Variants in DTNA observed in about 807,000 individuals in gnomAD.
DTNA encodes dystrophin-related protein 3.
In DTNA, 43 loss-of-function variants were observed where a neutral mutation model predicts 100.7. That is an observed-to-expected ratio of 0.43 (90% CI 0.33 to 0.55). The LOEUF (loss-of-function observed/expected upper bound fraction) is 0.55. DTNA is among the 20% of genes least tolerant of loss of function. DTNA has a pLI of 0.04. For synonymous variants in DTNA, 349 were observed against 347.9 expected, an observed-to-expected ratio of 1.00 and a Z score of -0.04; for missense variants, 798 against 953.9, an observed-to-expected ratio of 0.84 and a Z score of 2.15.
In DTNA at chr18:34,575,874, G is replaced by C. The variant is rs1006590279; in HGVS notation, c.-2+82360G>C. Among the ~76,000 whole-genome samples the C allele has an allele frequency of 2.6e-5, 4 of 152,270 alleles. 1 individual carries two copies. The highest frequency in any genetic ancestry group is 2.6e-4 in the Admixed American group (4 of 15,292). On this transcript the variant is annotated intron_variant, in intron 1 of 19. Transcript: ENST00000283365. ...CCACAATAAAGAGTAGGACTAATCA[G>C]TTCTTAAATATCTGTCTCCAGACAG... is the stretch of plus-strand genomic sequence containing the variant.
In DTNA at chr18:34,847,175, T is replaced by G. The variant is rs139047032; in HGVS notation, c.1347-1121T>G. ...GTCTTGAATGGAGCACTTCACAGAATGAAGTTTTCTGAAATATGGAAGAAT... is the reference window on the plus strand; with the variant it reads ...GTCTTGAATGGAGCACTTCACAGAAGGAAGTTTTCTGAAATATGGAAGAAT... On this transcript the variant is annotated intron_variant, in intron 13 of 22. Transcript: ENST00000444659. Among the ~76,000 whole-genome samples, 41 of 152,278 alleles carry G rather than the reference T, an allele frequency of 2.7e-4. 1 individual carries two copies. The highest frequency in any genetic ancestry group is 9.4e-4 in the African/African-American group (39 of 41,554).
intron 1 of DTNA, among the ~76,000 whole-genome samples, chr18:34,503,626 T>G (rs751542038): frequency 1.3e-5 from 2 of 152,162 alleles, no homozygotes; most frequent in Non-Finnish European, 2.9e-5. Context: ...ATATCTGTCT[T>G]TTAATTGGTA....
rs556985933 is a variant in DTNA at position 34,889,630 on chromosome 18, C to T, written c.*1896C>T. The T allele has an allele frequency of 2.8e-5, 28 of 985,424 alleles. No individual in the cohort carries two copies. The highest frequency in any genetic ancestry group is 6.2e-5 in the Admixed American group (1 of 16,258). 61.0% of individuals were successfully genotyped at this position (985,424 alleles called of 1,614,324 possible). On this transcript the variant is annotated 3_prime_UTR_variant, in exon 23 of 23. Transcript: ENST00000444659. ...CGGCTGTACGATGTTCACATGTCTG[C>T]GTTTGGTCAGACATCATCTCCTTGG...
intron 1 of DTNA, among the ~76,000 whole-genome samples, chr18:34,553,697 C>T (rs1002167847): frequency 5.9e-4 from 88 of 150,170 alleles, no homozygotes; most frequent in African/African-American, 1.8e-3. Flanking sequence ...TGTAGATATG[C>T]GGCGTTATTT....
At chr18:34,680,351 A>G (rs2077934856) in intron 1 of DTNA, among the ~76,000 whole-genome samples, 1 of 152,182 alleles carries the variant, frequency 6.6e-6, no homozygotes, top group Admixed American at 6.6e-5. Flanking sequence ...TTTCAGCAGA[A>G]TAGAGGGGAA....
chr18:34,663,985 G>A (rs994958029), intron 1 of DTNA, among the ~76,000 whole-genome samples: 1 of 152,118 alleles, frequency 6.6e-6, no homozygotes, highest in Non-Finnish European at 1.5e-5. Context: ...TGAGTTTACT[G>A]TAATAGATTA....
chr18:34,760,946 A>C (rs951919304), intron 2 of DTNA, among the ~76,000 whole-genome samples: 13 of 152,086 alleles, frequency 8.5e-5, no homozygotes, highest in Non-Finnish European at 1.9e-4. Flanking sequence ...GCCCAAAACT[A>C]TCTTCACCCA....
At chr18:34,886,938 T>C (rs757907416) in intron 22 of DTNA, among the ~76,000 whole-genome samples, 3 of 152,240 alleles carry the variant, frequency 2.0e-5, no homozygotes, top group Non-Finnish European at 4.4e-5. Flanking sequence ...CATTAAAATA[T>C]TTTTGTTTAG....
chr18:34,522,943 G>A (rs1463695474), intron 1 of DTNA, among the ~76,000 whole-genome samples: 1 of 152,226 alleles, frequency 6.6e-6, no homozygotes, highest in Non-Finnish European at 1.5e-5. Flanking sequence ...ACAAATTCTT[G>A]AACAGAAAGG....
chr18:34,776,608 T>A (rs1373886678), intron 3 of DTNA, among the ~76,000 whole-genome samples: 1 of 152,216 alleles, frequency 6.6e-6, no homozygotes, highest in Admixed American at 6.5e-5. Flanking sequence ...CCCAAAGTGC[T>A]GGGATTACAG....
intron 14 of DTNA, among the ~76,000 whole-genome samples, chr18:34,850,844 A>G (rs1281224682): frequency 1.3e-5 from 2 of 152,206 alleles, no homozygotes; most frequent in Non-Finnish European, 2.9e-5. Context: ...TATATGGCAT[A>G]TGATTAATGA....
In DTNA at chr18:34,793,938, G is replaced by A. The variant is rs2094859439; in HGVS notation, c.149-99G>A. ...GACCCCCTGCAACAGCTGCACACAT[G>A]TGAGATACCTAGAAAAAAACAGGAC... On this transcript the variant is annotated intron_variant, in intron 3 of 22. Coordinates refer to ENST00000444659, the MANE Select transcript of DTNA (RefSeq NM_001386795.1). The A allele has an allele frequency of 4.8e-5, 60 of 1,259,832 alleles. 2 individuals carry two copies. In the South Asian group the frequency reaches 7.6e-4, roughly 16 times the overall value. The allele number at this position is 1,259,832 out of a possible 1,614,324, so 78.0% of individuals were successfully genotyped here.
intron 21 of DTNA, among the ~76,000 whole-genome samples, 154 bp from the exon 22 acceptor site, chr18:34,884,574 G>A (rs564208759): frequency 6.6e-6 from 1 of 152,140 alleles, no homozygotes; most frequent in East Asian, 1.9e-4. Context: ...GTGAGCATAC[G>A]GTTGTTGGAT....
chr18:34,548,717 C>T (rs887984812), intron 1 of DTNA, among the ~76,000 whole-genome samples: 7 of 152,250 alleles, frequency 4.6e-5, no homozygotes, highest in African/African-American at 1.4e-4. Flanking sequence ...GCCTCTACCT[C>T]TTGGTTCTTT....
intron 1 of DTNA, among the ~76,000 whole-genome samples, chr18:34,661,255 A>G (rs1331275884): frequency 6.6e-6 from 1 of 152,196 alleles, no homozygotes; most frequent in African/African-American, 2.4e-5. Context: ...TAAAACAGGG[A>G]TCAAATTAGC....
At chr18:34,689,433 G>A (rs2079406572) in intron 1 of DTNA, among the ~76,000 whole-genome samples, 1 of 152,108 alleles carries the variant, frequency 6.6e-6, no homozygotes, top group African/African-American at 2.4e-5. Context: ...TTTGCTGGAG[G>A]TCCACTCCAG....
chr18:34,709,144 T>C (rs2146413276), upstream of DTNA, among the ~76,000 whole-genome samples: 1 of 152,326 alleles, frequency 6.6e-6, no homozygotes, highest in African/African-American at 2.4e-5. Context: ...AGCTTTCAGA[T>C]GCCATCTTTA....
intron 11 of DTNA, among the ~76,000 whole-genome samples, chr18:34,837,659 C>A (rs2096180351): frequency 6.6e-6 from 1 of 152,176 alleles, no homozygotes; most frequent in Non-Finnish European, 1.5e-5. Context: ...ATGAAGCAAT[C>A]TCTAGCTAGG....
intron 1 of DTNA, among the ~76,000 whole-genome samples, chr18:34,645,396 T>A (rs1314926534): frequency 6.6e-6 from 1 of 152,174 alleles, no homozygotes; most frequent in Non-Finnish European, 1.5e-5. Flanking sequence ...CTGAGAATGT[T>A]ATTCGTCCCA....
Sources: allele counts gnomAD v4.1 joint callset (sites outside exome capture counted in the v4.1 genomes callset), GRCh38; gene constraint gnomAD v4.1.1; transcripts MANE v1.5; gene names NCBI Gene and HGNC (gene_info 2026-07-23, HGNC 2026-07-21).